Variants in NEK6 observed in about 807,000 individuals in gnomAD.
NEK6 encodes the protein NIMA related kinase 6.
A neutral mutation model predicts 43.5 loss-of-function variants in NEK6; 27 were observed. The ratio of observed to expected loss-of-function variants is 0.62; its 90% confidence interval spans 0.46 to 0.86. The LOEUF is 0.86. Ranked by LOEUF, NEK6 falls within the 40% of genes least tolerant of loss-of-function variation. NEK6 has a pLI of 0.00. For synonymous variants in NEK6, 167 were observed against 164.1 expected, an observed-to-expected ratio of 1.02 and a Z score of -0.14; for missense variants, 318 against 414.4, an observed-to-expected ratio of 0.77 and a Z score of 2.02.
At chr9:124,304,567 G>A (rs1464953761) in intron 2 of NEK6, among the ~76,000 whole-genome samples, 6 of 152,318 alleles carry the variant, frequency 3.9e-5, no homozygotes, top group East Asian at 1.9e-4. Flanking sequence ...ACCTCACATC[G>A]TGGGTACTGA....
At chr9:124,288,418 G>A (rs1290806803) in intron 1 of NEK6, among the ~76,000 whole-genome samples, 2 of 152,112 alleles carry the variant, frequency 1.3e-5, no homozygotes, top group Non-Finnish European at 2.9e-5. Flanking sequence ...GAGCAGCTGG[G>A]ATTACAGGTA....
intron 2 of NEK6, among the ~76,000 whole-genome samples, chr9:124,309,979 C>T (rs888537458): frequency 3.9e-5 from 6 of 152,120 alleles, no homozygotes; most frequent in African/African-American, 7.2e-5. Context: ...GGTCCTGGGG[C>T]GGGGCCTGGG....
At chr9:124,327,902 C>T (rs1400911185) in intron 7 of NEK6, among the ~76,000 whole-genome samples, 1 of 152,154 alleles carries the variant, frequency 6.6e-6, no homozygotes, top group Non-Finnish European at 1.5e-5. Context: ...GTAGCTGGAC[C>T]ATAAAGGGAG....
intron 1 of NEK6, among the ~76,000 whole-genome samples, chr9:124,262,000 A>G (rs1192358705): frequency 1.3e-5 from 2 of 150,148 alleles, no homozygotes; most frequent in Non-Finnish European, 1.5e-5. Flanking sequence ...TGGTGTGCAC[A>G]TGCCGTGGAA....
chr9:124,278,518 G>A (rs192000279), intron 1 of NEK6, among the ~76,000 whole-genome samples: 1 of 152,066 alleles, frequency 6.6e-6, no homozygotes, highest in Admixed American at 6.5e-5. Context: ...TCACCCCCTC[G>A]CAGACCCAGG....
intron 1 of NEK6, among the ~76,000 whole-genome samples, chr9:124,280,394 C>T (rs941963827): frequency 6.6e-6 from 1 of 152,240 alleles, no homozygotes; most frequent in Non-Finnish European, 1.5e-5. Flanking sequence ...CTGAGTGAGG[C>T]TTGCCGCTCA....
At chr9:124,277,069 A>G (rs1006584768) in intron 1 of NEK6, among the ~76,000 whole-genome samples, 2 of 152,208 alleles carry the variant, frequency 1.3e-5, no homozygotes, top group East Asian at 1.9e-4. Context: ...CTTAGAGGCC[A>G]GTGGGGAGGC....
intron 9 of NEK6, among the ~76,000 whole-genome samples, chr9:124,348,689 G>T (rs1564667603): frequency 6.6e-6 from 1 of 152,248 alleles, no homozygotes; most frequent in East Asian, 1.9e-4. Flanking sequence ...ATGGGGCCTG[G>T]CTCAGTCAGT....
intron 1 of NEK6, chr9:124,292,381 C>A (rs1454044811): frequency 5.3e-6 from 8 of 1,518,422 alleles, no homozygotes; most frequent in Non-Finnish European, 7.0e-6. Flanking sequence ...TTCTGAGTTT[C>A]CAGGGAAGCA....
intron 2 of NEK6, 75 bp from the exon 3 acceptor site, chr9:124,312,434 T>C (rs1172517866): frequency 1.7e-5 from 26 of 1,493,470 alleles, no homozygotes; most frequent in Non-Finnish European, 2.2e-5. Context: ...GTTGGGGTGC[T>C]GGGCCTCTAG....
chr9:124,276,914 T>C (rs1039244458), intron 1 of NEK6, among the ~76,000 whole-genome samples: 7 of 152,022 alleles, frequency 4.6e-5, no homozygotes, highest in African/African-American at 1.7e-4. Context: ...GGCTTGGGCT[T>C]GATGGGTCAA....
chr9:124,321,626 G>A lies in NEK6; in HGVS notation c.405+57G>A, dbSNP rs984149219. On this transcript the variant is annotated intron_variant, in intron 5 of 9. Coordinates refer to ENST00000320246, the MANE Select transcript of NEK6 (RefSeq NM_014397.6). ...GCTGCGCAGATCTGGAGCCAAAGGT[G>A]GCAGTCTTCCTTTAGCCCAGTCCCA... 7 of 1,163,786 alleles carry A rather than the reference G, an allele frequency of 6.0e-6. No homozygotes were observed. In the African/African-American group the frequency reaches 1.1e-4, roughly 18 times the overall value. 72.1% of individuals were successfully genotyped at this position (1,163,786 alleles called of 1,614,324 possible). A position where few individuals can be genotyped will look rare whatever the true frequency, so the allele number is the denominator to read the frequency against.
intron 8 of NEK6, among the ~76,000 whole-genome samples, chr9:124,344,420 G>C (rs776306382): frequency 1.3e-4 from 20 of 152,234 alleles, no homozygotes; most frequent in Non-Finnish European, 2.8e-4. Flanking sequence ...ACCCCAGCTA[G>C]TGGGAGCCAC....
At chr9:124,258,346 T>C in intron 1 of NEK6, 1 of 984,992 alleles carries the variant, frequency 1.0e-6, no homozygotes. Context: ...CCGGAGCGTC[T>C]GGTGGCGTTG....
intron 7 of NEK6, among the ~76,000 whole-genome samples, chr9:124,336,952 C>T (rs1029644707): frequency 1.0e-4 from 15 of 150,632 alleles, no homozygotes; most frequent in Admixed American, 1.3e-4. Flanking sequence ...GAGGTGATCG[C>T]ACCACTGCAC....
rs938876019 is a variant in NEK6, at chr9:124,343,930, C to T, written c.718-3779C>T. 1.3e-5 allele frequency among the ~76,000 whole-genome samples: 2 copies of T among 152,234 alleles called. No homozygotes were observed. The highest frequency in any genetic ancestry group is 2.4e-5 in the African/African-American group (1 of 41,454). ...TGGCTTCAAGCAACATAAGTTTACT[C>T]TCTTAGATCTCGAGGATTCTGGAGG... On this transcript the variant is annotated intron_variant, in intron 8 of 9. Transcript: ENST00000320246. The surrounding 1 kb of genome is among the most constrained non-coding windows in gnomAD (Gnocchi z 5.1).
rs1200306206 is a variant in NEK6 at position 124,343,177 on chromosome 9, GGAGT to G, written c.717+3518_717+3521del. On this transcript the variant is annotated intron_variant, in intron 8 of 9. Coordinates refer to ENST00000320246, the MANE Select transcript of NEK6 (RefSeq NM_014397.6). The surrounding 1 kb of genome is among the most constrained non-coding windows in gnomAD (Gnocchi z 5.1). ...GTTACGCCGAGCTGACTCATTTGTT[GGAGT>G]GAGTGGGGCTGTGCGGCTCGCAGCT... Among the ~76,000 whole-genome samples, 1 of 151,896 alleles carries G rather than the reference GGAGT, an allele frequency of 6.6e-6. No homozygotes were observed. Among genetic ancestry groups the G allele is most frequent in the East Asian group, 1.9e-4 (1 of 5,178 alleles).
intron 2 of NEK6, among the ~76,000 whole-genome samples, chr9:124,311,657 G>T (rs1190899201): frequency 6.6e-6 from 1 of 152,174 alleles, no homozygotes; most frequent in Admixed American, 6.5e-5. Flanking sequence ...CCTAAAAAAG[G>T]CAGTTTATCT....
intron 2 of NEK6, among the ~76,000 whole-genome samples, chr9:124,310,957 T>C (rs769071631): frequency 1.3e-5 from 2 of 152,230 alleles, no homozygotes; most frequent in Admixed American, 6.5e-5. Context: ...TAAGTCATGA[T>C]TCAGGGTCCC....
Sources: allele counts gnomAD v4.1 joint callset (sites outside exome capture counted in the v4.1 genomes callset), GRCh38; gene constraint gnomAD v4.1.1; non-coding constraint Gnocchi (gnomAD v3.1); transcripts MANE v1.5; gene names NCBI Gene and HGNC (gene_info 2026-07-23, HGNC 2026-07-21).